ALOX15B: variants seen among roughly 807,000 people sequenced by gnomAD.
The protein encoded by ALOX15B is arachidonate 15-lipoxygenase type B.
Under a neutral mutation model 73.8 loss-of-function variants are expected in ALOX15B, and 74 were observed. That is an observed-to-expected ratio of 1.00 (90% confidence interval 0.83 to 1.22). The LOEUF (loss-of-function observed/expected upper bound fraction) is 1.22, where lower values mean the gene tolerates loss of function less well. ALOX15B is among the 50% of genes most tolerant of loss of function. ALOX15B has a pLI of 0.00. For missense variants in ALOX15B, 896 were observed against 859.9 expected (o/e 1.04, Z -0.52); for synonymous variants, 353 against 357.2 (o/e 0.99, Z 0.13).
chr17:8,045,611 G>T lies in ALOX15B; in HGVS notation c.1125G>T (p.Leu375=), dbSNP rs1209790069. The T allele has an allele frequency of 6.2e-7, 1 of 1,614,206 alleles. No individual in the cohort carries two copies. The change falls in exon 8 of 14, where the codon CTG becomes CTT. Residue 375 remains leucine, a synonymous_variant. Transcript: ENST00000380183. ...TCCATGAGGCCCTCACGCACCTGCTGCACTCACATCTGCTGCCTGAGGTCT... is the reference window on the plus strand; with the variant it reads ...TCCATGAGGCCCTCACGCACCTGCTTCACTCACATCTGCTGCCTGAGGTCT... ...FSFHEALTHL[L]HSHLLPEVFT...
At chr17:8,045,903 G>C (rs527464025) in intron 8 of ALOX15B, among the ~76,000 whole-genome samples, 1 of 152,292 alleles carries the variant, frequency 6.6e-6, no homozygotes, top group South Asian at 2.1e-4. Flanking sequence ...AGGGAGATCA[G>C]GCAGCATCAA....
intron 2 of ALOX15B, 74 bp from the exon 3 acceptor site, chr17:8,039,828 G>C: frequency 6.9e-7 from 1 of 1,454,528 alleles, no homozygotes; most frequent in Non-Finnish European, 9.5e-7. Flanking sequence ...GGTGGCAATC[G>C]TGGAGACTGT....
chr17:8,047,771 C>G lies in ALOX15B; in HGVS notation c.1707C>G (p.Asn569Lys), dbSNP rs751483176. ...TTGACTCCTGTGCTTGGATGCCCAA[C>G]CTGCCACCCAGCATGCAGCTGCCAC... ...GQFDSCAWMPNLPPSMQLPPP... is the reference protein window; with the variant it reads ...GQFDSCAWMPKLPPSMQLPPP... Residue 569 changes from asparagine (N) to lysine (K), a missense_variant, in exon 13 of 14, where the codon AAC becomes AAG. By Grantham distance (94) the Asn-to-Lys change is moderately conservative (BLOSUM62 0). Transcript: ENST00000380183. 1.9e-6 allele frequency: 3 copies of G among 1,614,082 alleles called. No homozygotes were observed. The highest frequency in any genetic ancestry group is 1.7e-5 in the Admixed American group (1 of 60,014).
chr17:8,040,023 C>A, intron 3 of ALOX15B, 40 bp downstream of exon 3: 1 of 1,581,908 alleles, frequency 6.3e-7, no homozygotes, highest in East Asian at 2.2e-5. Context: ...TGTGCCCAAA[C>A]GATGAGGGGC....
Position 8,044,176 on chromosome 17 carries a change from A to G in ALOX15B, c.677-653A>G, listed in dbSNP as rs573941242. Among the ~76,000 whole-genome samples, 5 of 128,110 alleles carry G rather than the reference A, an allele frequency of 3.9e-5. No homozygotes were observed. In the South Asian group the frequency reaches 1.2e-3, roughly 31 times the overall value. The allele number at this position is 128,110 out of a possible 152,430, so 84.0% of individuals were successfully genotyped here. On this transcript the variant is annotated intron_variant, in intron 5 of 13. Coordinates refer to ENST00000380183, the MANE Select transcript of ALOX15B (RefSeq NM_001141.3). ...GGAAAGAAAGAAAAGGAAAAAGGAA[A>G]AGGCGGAAGCTGAGGCAGACAGATC...
chr17:8,039,633 AG>A, intron 2 of ALOX15B, 28 bp downstream of exon 2: 1 of 651,330 alleles, frequency 1.5e-6, no homozygotes, highest in Non-Finnish European at 2.6e-6. Context: ...CTGGGGCTGC[AG>A]GGGGAGCACA....
Position 8,047,404 on chromosome 17 carries a change from G to T in ALOX15B, c.1579+25G>T, listed in dbSNP as rs376479949. ...GGTACAGGGACCTCAGCCCTCAGGCGCATTTGAGTGAGCCCATCCCCGTGT... is the reference window on the plus strand; with the variant it reads ...GGTACAGGGACCTCAGCCCTCAGGCTCATTTGAGTGAGCCCATCCCCGTGT... On this transcript the variant is annotated intron_variant, in intron 11 of 13. Coordinates refer to ENST00000380183, the MANE Select transcript of ALOX15B (RefSeq NM_001141.3). The T allele has an allele frequency of 5.1e-5, 83 of 1,612,396 alleles. 1 individual carries two copies. Among genetic ancestry groups the T allele is most frequent in the East Asian group, 2.9e-4 (13 of 44,866 alleles).
At chr17:8,041,829 A>C (rs1202944774) in intron 3 of ALOX15B, among the ~76,000 whole-genome samples, 30 of 152,114 alleles carry the variant, frequency 2.0e-4, no homozygotes. Context: ...GGCAACTGAA[A>C]CCTTCTGCGC....
chr17:8,048,258 G>C, intron 13 of ALOX15B, 128 bp from the exon 14 acceptor site: 1 of 1,158,060 alleles, frequency 8.6e-7, no homozygotes, highest in East Asian at 2.5e-5. Flanking sequence ...GCTACTTCAG[G>C]TCCCACACTT....
chr17:8,048,504 G>A lies in ALOX15B; in HGVS notation c.1970G>A (p.Gly657Asp), dbSNP rs149652899. 1.9e-3 allele frequency: 3,014 copies of A among 1,614,122 alleles called. 8 individuals carry two copies. Among genetic ancestry groups the A allele is most frequent in the Non-Finnish European group, 2.4e-3 (2,799 of 1,180,014 alleles). The change falls in exon 14 of 14, where the codon GGC becomes GAC. Residue 657 changes from glycine to aspartate, a missense_variant. Gly to Asp is a moderately conservative substitution (Grantham distance 94). Coordinates refer to ENST00000380183, the MANE Select transcript of ALOX15B (RefSeq NM_001141.3). ...AGGGGCATCCAGGAGCGGAACCAGG[G>A]CCTGGTGCTGCCCTACACCTACCTA... ...ISRGIQERNQ[G>D]LVLPYTYLDP...
rs778348562 is a variant in ALOX15B, at chr17:8,047,588, G to A, written c.1604G>A (p.Arg535Gln). 39 of 1,608,304 alleles carry A rather than the reference G, an allele frequency of 2.4e-5. No individual in the cohort carries two copies. Among genetic ancestry groups the A allele is most frequent in the Admixed American group, 3.4e-5 (2 of 59,092 alleles). The change falls in exon 12 of 14, where the codon CGG becomes CAG. Residue 535 changes from arginine (R) to glutamine (Q), a missense_variant. By Grantham distance (43) the Arg-to-Gln change is conservative. Coordinates refer to ENST00000380183, the MANE Select transcript of ALOX15B (RefSeq NM_001141.3). ...SSGIPSSLET[R>Q]EALVQYVTMV... ...GGTATACCCTCCTCACTGGAGACCCGGGAAGCCCTGGTGCAGTATGTCACC... is the reference window on the plus strand; with the variant it reads ...GGTATACCCTCCTCACTGGAGACCCAGGAAGCCCTGGTGCAGTATGTCACC...
rs1406013035 is a variant in ALOX15B, at chr17:8,040,598, AG to A, written c.449+616del. Among the ~76,000 whole-genome samples the A allele has an allele frequency of 8.1e-3, 641 of 79,504 alleles. 5 individuals are homozygous for A. Among genetic ancestry groups the A allele is most frequent in the African/African-American group, 0.031 (591 of 19,134 alleles). The allele number at this position is 79,504 out of a possible 152,430, so 52.2% of individuals were successfully genotyped here. A position where few individuals can be genotyped will look rare whatever the true frequency, so the allele number is the denominator to read the frequency against. ...AAAGGAAGGAAAGAGAGAAAGAAAG[AG>A]AGAGAAAGAAAGAAAGAAAGAAAGA... On this transcript the variant is annotated intron_variant, in intron 3 of 13. Coordinates refer to ENST00000380183, the MANE Select transcript of ALOX15B (RefSeq NM_001141.3).
At position 8,048,791 on chromosome 17, in the gene ALOX15B, A is replaced by T. The variant is rs117777987; in HGVS notation, c.*226A>T. ...TACCAAGAACAGAGTCTCAGGACAGAACCACTGAGTCTTTTGGAGGCTCCA... is the reference window on the plus strand; with the variant it reads ...TACCAAGAACAGAGTCTCAGGACAGTACCACTGAGTCTTTTGGAGGCTCCA... On this transcript the variant is annotated 3_prime_UTR_variant, in exon 14 of 14. Coordinates refer to ENST00000380183, the MANE Select transcript of ALOX15B (RefSeq NM_001141.3). 0.026 allele frequency: 12,565 copies of T among 481,780 alleles called. 222 individuals are homozygous for T. The highest frequency in any genetic ancestry group is 0.035 in the Non-Finnish European group (9,822 of 279,452). The allele number at this position is 481,780 out of a possible 1,614,324, so 29.8% of individuals were successfully genotyped here. A position where few individuals can be genotyped will look rare whatever the true frequency, so the allele number is the denominator to read the frequency against.
At chr17:8,047,692 C>A in intron 12 of ALOX15B, 28 bp downstream of exon 12, 1 of 1,613,572 alleles carries the variant, frequency 6.2e-7, no homozygotes, top group Non-Finnish European at 8.5e-7. Context: ...CCCGAGGTGG[C>A]AGGCTGGAGG....
chr17:8,042,527 A>C (rs1247265577), intron 4 of ALOX15B, 36 bp downstream of exon 4: 2 of 1,608,188 alleles, frequency 1.2e-6, no homozygotes, highest in Middle Eastern at 4.0e-4. Context: ...CCTGGGCCTC[A>C]GATGCCCTAT....
At chr17:8,047,691 G>A (rs1268459103) in intron 12 of ALOX15B, 27 bp downstream of exon 12, 2 of 1,613,476 alleles carry the variant, frequency 1.2e-6, no homozygotes, top group East Asian at 2.2e-5. Flanking sequence ...GCCCGAGGTG[G>A]CAGGCTGGAG....
At chr17:8,048,009 G>T in intron 13 of ALOX15B, 94 bp downstream of exon 13, 1 of 1,427,890 alleles carries the variant, frequency 7.0e-7, no homozygotes, top group Non-Finnish European at 9.4e-7. Context: ...CTGCCATCAG[G>T]TAGCGGGTCC....
intron 5 of ALOX15B, among the ~76,000 whole-genome samples, chr17:8,043,795 G>A (rs4792144): frequency 0.3 from 45,720 of 151,952 alleles, 7,605 homozygotes; most frequent in East Asian, 0.39. Context: ...CCGGCTGGGC[G>A]CAGTGGCTCA....
chr17:8,040,069 C>T, intron 3 of ALOX15B, 86 bp downstream of exon 3: 6 of 1,281,866 alleles, frequency 4.7e-6, no homozygotes, highest in East Asian at 2.4e-5. Context: ...AGATTAAAAG[C>T]CCCTGCCTCC....
Sources: gnomAD v4.1 joint callset for allele counts (sites outside exome capture counted in the v4.1 genomes callset) on GRCh38, gnomAD v4.1.1 for gene constraint, MANE v1.5 for transcripts, NCBI Gene and HGNC (gene_info 2026-07-23, HGNC 2026-07-21) for gene names.